Variants in MYO5B observed in about 807,000 individuals in gnomAD.
The protein encoded by MYO5B is unconventional myosin-Vb.
MYO5B carries 143 observed loss-of-function variants against 229.3 expected under a neutral mutation model. The ratio of observed to expected loss-of-function variants is 0.62; its 90% CI spans 0.54 to 0.72. The LOEUF is 0.72. Ranked by LOEUF, MYO5B falls within the 30% of genes least tolerant of loss-of-function variation. The pLI is 0.00. For synonymous variants in MYO5B, 918 were observed against 885.2 expected (o/e 1.04, Z -0.66); for missense variants, 2,321 against 2,331.0 (o/e 1.00, Z 0.09).
At chr18:49,850,912 T>C (rs1376652525) in intron 31 of MYO5B, 1 of 152,640 alleles carries the variant, frequency 6.6e-6, no homozygotes, top group African/African-American at 2.4e-5. Context: ...GCCACAAGAC[T>C]TGGCCAGCCC....
chr18:49,983,581 A>T (rs1369577559), intron 8 of MYO5B, among the ~76,000 whole-genome samples: 1 of 152,178 alleles, frequency 6.6e-6, no homozygotes, highest in Non-Finnish European at 1.5e-5. Flanking sequence ...CCTGCCAGGA[A>T]TAGCAGATGT....
intron 1 of MYO5B, among the ~76,000 whole-genome samples, chr18:50,077,227 T>C (rs2144461690): frequency 1.3e-5 from 2 of 149,094 alleles, no homozygotes; most frequent in South Asian, 4.3e-4. Context: ...ATTCTTATTG[T>C]CGGTCTTTCA....
chr18:49,990,555 G>A (rs1203076371), intron 6 of MYO5B, 35 bp from the exon 7 acceptor site: 1 of 1,565,206 alleles, frequency 6.4e-7, no homozygotes, highest in Non-Finnish European at 8.8e-7. Flanking sequence ...TTTTAGGGCA[G>A]TGACCTCTAA....
Position 49,939,148 on chromosome 18 carries a change from C to CTTTTTTTTTTTTT in MYO5B, c.1753-1764_1753-1752dup, listed in dbSNP as rs11313115. 2.5e-5 allele frequency among the ~76,000 whole-genome samples: 3 copies of CTTTTTTTTTTTTT among 119,046 alleles called. 1 individual carries two copies. Among genetic ancestry groups the CTTTTTTTTTTTTT allele is most frequent in the Non-Finnish European group, 4.9e-5 (3 of 61,134 alleles). 78.1% of individuals were successfully genotyped at this position (119,046 alleles called of 152,430 possible). ...TACATTAACACTCTTTCTTTTTTTT[C>CTTTTTTTTTTTTT]TTTTTTTTTTTTTTTTTTGAAACAG... On this transcript the variant is annotated intron_variant, in intron 14 of 39. Transcript: ENST00000285039.
At chr18:50,080,546 G>A (rs1309709243) in intron 1 of MYO5B, among the ~76,000 whole-genome samples, 1 of 152,156 alleles carries the variant, frequency 6.6e-6, no homozygotes, top group Non-Finnish European at 1.5e-5. Context: ...GTCACAGTTT[G>A]GCAAGAGGCC....
At chr18:50,140,857 T>C (rs2032407251) in intron 1 of MYO5B, among the ~76,000 whole-genome samples, 1 of 152,196 alleles carries the variant, frequency 6.6e-6, no homozygotes, top group Non-Finnish European at 1.5e-5. Flanking sequence ...GTGTTTAGTT[T>C]AGCTAAAGGA....
At chr18:50,007,746 C>T (rs2026118423) in intron 4 of MYO5B, among the ~76,000 whole-genome samples, 1 of 152,222 alleles carries the variant, frequency 6.6e-6, no homozygotes, top group East Asian at 1.9e-4. Context: ...TCAATCACAT[C>T]CTGCCTTATG....
intron 6 of MYO5B, among the ~76,000 whole-genome samples, chr18:49,990,953 G>T (rs925024100): frequency 5.9e-5 from 9 of 152,104 alleles, no homozygotes; most frequent in African/African-American, 2.2e-4. Context: ...AGGTCAGGCT[G>T]GGCAGACAGG....
chr18:49,852,006 C>T (rs975652425), intron 31 of MYO5B, among the ~76,000 whole-genome samples: 3 of 152,106 alleles, frequency 2.0e-5, no homozygotes, highest in African/African-American at 7.2e-5. Flanking sequence ...TCCTCCTCCT[C>T]CTTGCCCGGC....
rs1163199813 is a variant in MYO5B, at chr18:49,863,303, T to C, written c.3868A>G (p.Ser1290Gly). The change falls in exon 29 of 40, where the codon AGT (serine) becomes GGT (glycine). Residue 1290 changes from serine to glycine, a missense_variant. Ser to Gly is a moderately conservative substitution (Grantham distance 56, BLOSUM62 0). Around this residue, in one of 2 missense-constraint regions of MYO5B, gnomAD observed 2,113 missense variants for 2,044.7 expected, o/e 1.03. Transcript: ENST00000285039. ...ACATGCTTTTCACTGTTAGGCCAACTTGATCTGGCATTAATGTTCGGCTCC... is the reference window on the plus strand; with the variant it reads ...ACATGCTTTTCACTGTTAGGCCAACCTGATCTGGCATTAATGTTCGGCTCC... ...NAEPNINARSSWPNSEKHVDQ... is the reference protein window; with the variant it reads ...NAEPNINARSGWPNSEKHVDQ... 2 of 1,613,840 alleles carry C rather than the reference T, an allele frequency of 1.2e-6. No homozygotes were observed. Among genetic ancestry groups the C allele is most frequent in the Admixed American group, 1.7e-5 (1 of 60,032 alleles).
intron 2 of MYO5B, 43 bp downstream of exon 2, chr18:50,055,225 G>GGCCCCCCCCCCCCCCCCC: frequency 1.3e-5 from 9 of 700,372 alleles, no homozygotes; most frequent in Non-Finnish European, 2.1e-5. Flanking sequence ...TGAGCTCCCT[G>GGCCCCCCCCCCCCCCCCC]CCCCACCTCA....
chr18:50,094,000 C>G (rs968268982), intron 1 of MYO5B, among the ~76,000 whole-genome samples: 1 of 152,202 alleles, frequency 6.6e-6, no homozygotes, highest in Non-Finnish European at 1.5e-5. Flanking sequence ...CTTGGGGCTT[C>G]TCTGCCTTCG....
At chr18:50,006,222 G>A (rs2026099282) in intron 4 of MYO5B, among the ~76,000 whole-genome samples, 1 of 152,138 alleles carries the variant, frequency 6.6e-6, no homozygotes, top group Non-Finnish European at 1.5e-5. Flanking sequence ...GCTCGTTAAG[G>A]GGGAGATGTT....
intron 31 of MYO5B, among the ~76,000 whole-genome samples, 180 bp downstream of exon 31, chr18:49,853,269 G>T (rs565262619): frequency 1.2e-4 from 18 of 152,332 alleles, no homozygotes; most frequent in Middle Eastern, 6.8e-3. Flanking sequence ...CAGGAGTGGG[G>T]CTGTCTGAGA....
chr18:50,170,854 A>C (rs2032911329), intron 1 of MYO5B, among the ~76,000 whole-genome samples: 1 of 128,488 alleles, frequency 7.8e-6, no homozygotes, highest in African/African-American at 2.9e-5. Flanking sequence ...GTAAGAGTAA[A>C]CAGGAAAAGA....
intron 39 of MYO5B, among the ~76,000 whole-genome samples, chr18:49,830,958 T>C (rs575053490): frequency 1.4e-5 from 2 of 143,646 alleles, no homozygotes; most frequent in African/African-American, 2.6e-5. Context: ...TACAGACCAA[T>C]AGAATATAAG....
intron 2 of MYO5B, among the ~76,000 whole-genome samples, chr18:50,048,075 C>A (rs2030286878): frequency 1.3e-5 from 1 of 74,868 alleles, no homozygotes; most frequent in Non-Finnish European, 2.7e-5. Flanking sequence ...GTACCCAAAA[C>A]CTTTAAGTAT....
chr18:49,919,235 A>T (rs1337967956), intron 17 of MYO5B, among the ~76,000 whole-genome samples: 1 of 152,208 alleles, frequency 6.6e-6, no homozygotes, highest in African/African-American at 2.4e-5. Context: ...AAGAAAACAC[A>T]GATGTTAGTT....
chr18:50,054,959 C>T (rs559207279), intron 2 of MYO5B, among the ~76,000 whole-genome samples: 1 of 152,246 alleles, frequency 6.6e-6, no homozygotes, highest in African/African-American at 2.4e-5. Context: ...AGCTCCTCTC[C>T]CTCACTTCCC....
Sources: gnomAD v4.1 joint callset for allele counts (sites outside exome capture counted in the v4.1 genomes callset) on GRCh38, gnomAD v4.1.1 for gene constraint, gnomAD v4.1.1 regional missense constraint, MANE v1.5 for transcripts, NCBI Gene and HGNC (gene_info 2026-07-23, HGNC 2026-07-21) for gene names.